CFAP20DC: variants seen among roughly 807,000 people sequenced by gnomAD.
The protein encoded by CFAP20DC is CFAP20 domain containing.
A neutral mutation model predicts 101.7 loss-of-function variants in CFAP20DC; 84 were observed. That is an observed-to-expected ratio of 0.83 (90% CI 0.69 to 0.99). CFAP20DC has a LOEUF of 0.99. Ranked by LOEUF, CFAP20DC falls within the 50% of genes least tolerant of loss-of-function variation. CFAP20DC has a pLI of 0.00. For missense variants in CFAP20DC, 1,007 were observed against 970.3 expected, an observed-to-expected ratio of 1.04 and a Z score of -0.50; for synonymous variants, 359 against 351.2, an observed-to-expected ratio of 1.02 and a Z score of -0.25.
rs2093447394 is a variant in CFAP20DC, at chr3:59,006,913, C to A, written c.278+32644G>T. ...TGGGAGGCAAGGCCTGAAAGCCTTG[C>A]TTGCTTTCTCAGCGTGGAAGCTTAT... On this transcript the variant is annotated intron_variant, in intron 4 of 16. Transcript: ENST00000482387. This position sits in a 1 kb window ranked among gnomAD's most constrained non-coding sequence, Gnocchi z 4.3. Among the ~76,000 whole-genome samples the A allele has an allele frequency of 6.6e-6, 1 of 152,142 alleles. No individual in the cohort carries two copies. The highest frequency in any genetic ancestry group is 1.5e-5 in the Non-Finnish European group (1 of 68,010).
chr3:58,780,212 C>T (rs1301544822), intron 15 of CFAP20DC, among the ~76,000 whole-genome samples: 1 of 152,050 alleles, frequency 6.6e-6, no homozygotes, highest in Non-Finnish European at 1.5e-5. Flanking sequence ...ACAAGCAATG[C>T]TTAAGGAAGT....
rs369613102 is a variant in CFAP20DC, at chr3:58,742,498, A to G, written c.2407T>C (p.Phe803Leu). 9.3e-6 allele frequency: 15 copies of G among 1,607,768 alleles called. No homozygotes were observed. Among genetic ancestry groups the G allele is most frequent in the Non-Finnish European group, 1.3e-5 (15 of 1,176,910 alleles). The part of the protein sequence containing the change: ...LLYDPCLNCY[F>L]DPQTGKYYEL... ...TAGTATTTCCCTGTTTGGGGGTCAA[A>G]GTAACAGTTCAGACAAGGGTCATAC... The change falls in exon 17 of 17, where the codon TTT becomes CTT. Residue 803 changes from phenylalanine (F) to leucine (L), a missense_variant. By Grantham distance (22) the Phe-to-Leu change is conservative (BLOSUM62 0). Transcript: ENST00000482387.
intron 15 of CFAP20DC, among the ~76,000 whole-genome samples, chr3:58,765,499 A>T (rs1264864633): frequency 6.6e-6 from 1 of 150,950 alleles, no homozygotes; most frequent in Non-Finnish European, 1.5e-5. Flanking sequence ...CCAAAAAAAA[A>T]AAAAAAAACA....
intron 4 of CFAP20DC, among the ~76,000 whole-genome samples, chr3:58,980,335 A>ATCC (rs1270723982): frequency 6.6e-6 from 1 of 152,210 alleles, no homozygotes; most frequent in African/African-American, 2.4e-5. Context: ...AAAAGAGGGA[A>ATCC]TCCTCCCTAA....
chr3:58,770,893 T>C (rs191158162), intron 15 of CFAP20DC, among the ~76,000 whole-genome samples: 465 of 152,294 alleles, frequency 3.1e-3, no homozygotes, highest in African/African-American at 0.011. Context: ...AATAGTGTTA[T>C]TGTGGGAATT....
chr3:58,995,116 G>T (rs1448352353), intron 4 of CFAP20DC, among the ~76,000 whole-genome samples: 1 of 151,996 alleles, frequency 6.6e-6, no homozygotes, highest in African/African-American at 2.4e-5. Flanking sequence ...TTTTTCTCTG[G>T]AATGACAGAG....
At chr3:59,026,705 G>A (rs572585548) in intron 4 of CFAP20DC, among the ~76,000 whole-genome samples, 1 of 152,266 alleles carries the variant, frequency 6.6e-6, no homozygotes, top group East Asian at 1.9e-4. Context: ...AGTTTCAAAG[G>A]AGCCTACTGT....
chr3:58,896,444 CTT>C (rs1439322850), intron 6 of CFAP20DC, among the ~76,000 whole-genome samples: 3 of 151,978 alleles, frequency 2.0e-5, no homozygotes, highest in East Asian at 1.9e-4. Context: ...TTTGTTTGCT[CTT>C]GTTTCTCTAG....
chr3:58,826,034 C>T (rs1002748096), intron 14 of CFAP20DC, among the ~76,000 whole-genome samples: 1 of 152,170 alleles, frequency 6.6e-6, no homozygotes, highest in Non-Finnish European at 1.5e-5. Flanking sequence ...CTTCATTTTA[C>T]TCTGCGTAGG....
At chr3:58,829,740 A>T (rs1406053586) in intron 14 of CFAP20DC, among the ~76,000 whole-genome samples, 1 of 152,176 alleles carries the variant, frequency 6.6e-6, no homozygotes, top group Non-Finnish European at 1.5e-5. Flanking sequence ...GTCATGCAGG[A>T]GACTTCAGTC....
chr3:58,884,518 T>G (rs867943718), intron 7 of CFAP20DC, 27 bp downstream of exon 7: 1 of 1,607,816 alleles, frequency 6.2e-7, no homozygotes, highest in South Asian at 1.1e-5. Flanking sequence ...CATATTACAC[T>G]TATAATTTAG....
At position 58,979,032 on chromosome 3, in the gene CFAP20DC, C is replaced by G. The variant is rs115073474; in HGVS notation, c.279-41270G>C. Reference sequence around the variant, plus strand: ...GGTGATGCTGTGATTTACCAGATACCTTAACTCCAGGGCTACAGCTAAGTT... The same window carrying G: ...GGTGATGCTGTGATTTACCAGATACGTTAACTCCAGGGCTACAGCTAAGTT... On this transcript the variant is annotated intron_variant, in intron 4 of 16. Transcript: ENST00000482387. Among the ~76,000 whole-genome samples the G allele has an allele frequency of 2.7e-3, 411 of 152,252 alleles. 1 individual carries two copies. The highest frequency in any genetic ancestry group is 9.3e-3 in the African/African-American group (387 of 41,544).
Position 58,883,028 on chromosome 3 carries a change from T to C in CFAP20DC, c.715+1517A>G, listed in dbSNP as rs146357398. On this transcript the variant is annotated intron_variant, in intron 7 of 16. Transcript: ENST00000482387. ...ATGCAATATGATGAAGATTGACATATAGAAAATATCCCAAGAATAAATGAA... is the reference window on the plus strand; with the variant it reads ...ATGCAATATGATGAAGATTGACATACAGAAAATATCCCAAGAATAAATGAA... 4.5e-3 allele frequency among the ~76,000 whole-genome samples: 686 copies of C among 152,336 alleles called. 5 individuals carry two copies. The highest frequency in any genetic ancestry group is 0.016 in the African/African-American group (671 of 41,582).
rs770963109 is a variant in CFAP20DC at position 58,863,937 on chromosome 3, A to G, written c.1259-45T>C. 39 of 1,514,954 alleles carry G rather than the reference A, an allele frequency of 2.6e-5. No individual in the cohort carries two copies. The highest frequency in any genetic ancestry group is 3.1e-5 in the Non-Finnish European group (35 of 1,131,578). The allele number at this position is 1,514,954 out of a possible 1,614,324, so 93.8% of individuals were successfully genotyped here. On this transcript the variant is annotated intron_variant, in intron 11 of 16. Transcript: ENST00000482387. This position sits in a 1 kb window ranked among gnomAD's most constrained non-coding sequence, Gnocchi z 5.9. Reference sequence around the variant, plus strand: ...ACAAAAATTAGAGCAGTAATCCATAAAAGTGTTATTTTTATTTATTTATTT... The same window carrying G: ...ACAAAAATTAGAGCAGTAATCCATAGAAGTGTTATTTTTATTTATTTATTT...
chr3:58,987,982 AC>A (rs1385557060), intron 4 of CFAP20DC, among the ~76,000 whole-genome samples: 2 of 152,054 alleles, frequency 1.3e-5, no homozygotes, highest in African/African-American at 2.4e-5. Context: ...TTATCATAAA[AC>A]TATGTGAGGA....
intron 3 of CFAP20DC, chr3:58,734,570 T>C (rs1043233442): frequency 2.2e-6 from 1 of 456,456 alleles, no homozygotes; most frequent in Non-Finnish European, 4.4e-6. Flanking sequence ...TTTAAGGTTT[T>C]AGAAAAAAAA....
At chr3:58,867,795 T>G in intron 10 of CFAP20DC, 22 bp downstream of exon 10, 2 of 1,613,148 alleles carry the variant, frequency 1.2e-6, no homozygotes, top group South Asian at 2.2e-5. Context: ...AGATATAAGA[T>G]AGGATTGAAA....
intron 4 of CFAP20DC, among the ~76,000 whole-genome samples, chr3:58,999,787 G>A (rs923611493): frequency 3.5e-5 from 5 of 142,206 alleles, no homozygotes; most frequent in African/African-American, 7.8e-5. Flanking sequence ...CTTTTGCAGT[G>A]TATTCTATTT....
chr3:58,906,701 G>C (rs1363749653), intron 6 of CFAP20DC, among the ~76,000 whole-genome samples: 1 of 152,082 alleles, frequency 6.6e-6, no homozygotes, highest in African/African-American at 2.4e-5. Flanking sequence ...AGGCCAAGGT[G>C]GGATCACTTG....
Sources: gnomAD v4.1 joint callset for allele counts (sites outside exome capture counted in the v4.1 genomes callset) on GRCh38, gnomAD v4.1.1 for gene constraint, Gnocchi (gnomAD v3.1) non-coding constraint, MANE v1.5 for transcripts, NCBI Gene and HGNC (gene_info 2026-07-23, HGNC 2026-07-21) for gene names.